Variants in F13A1 observed in about 807,000 individuals in gnomAD.
F13A1 encodes coagulation factor XIII A chain.
Under a neutral mutation model 80.1 loss-of-function variants are expected in F13A1, and 47 were observed. The ratio of observed to expected loss-of-function variants is 0.59; its 90% CI spans 0.46 to 0.75. The LOEUF (loss-of-function observed/expected upper bound fraction) is 0.75. F13A1 is among the 30% of genes least tolerant of loss of function. F13A1 has a pLI of 0.00. For synonymous variants in F13A1, 349 were observed against 344.9 expected (o/e 1.01, Z -0.13); for missense variants, 817 against 930.4 (o/e 0.88, Z 1.59).
intron 3 of F13A1, among the ~76,000 whole-genome samples, chr6:6,287,504 C>T (rs1422003794): frequency 1.3e-5 from 2 of 152,180 alleles, no homozygotes; most frequent in Non-Finnish European, 2.9e-5. Flanking sequence ...GGAGAAAGCA[C>T]AGGAGGCAGT....
chr6:6,303,984 A>G (rs1758473396), intron 3 of F13A1, among the ~76,000 whole-genome samples: 1 of 152,220 alleles, frequency 6.6e-6, no homozygotes, highest in South Asian at 2.1e-4. Context: ...TTCTACATAC[A>G]CAATCATAGT....
At chr6:6,164,111 A>T (rs1489689812) in intron 13 of F13A1, among the ~76,000 whole-genome samples, 3 of 152,166 alleles carry the variant, frequency 2.0e-5, no homozygotes, top group African/African-American at 7.2e-5. Context: ...GAACATGTTT[A>T]CAGGAAAAAA....
In F13A1 at chr6:6,300,850, G is replaced by T. The variant is rs1177904314; in HGVS notation, c.319+4501C>A. ...TTTTTTTAATTTATGTTACATTTTGGTTCACTTTTAATAGTAAATGATATC... is the reference window on the plus strand; with the variant it reads ...TTTTTTTAATTTATGTTACATTTTGTTTCACTTTTAATAGTAAATGATATC... On this transcript the variant is annotated intron_variant, in intron 3 of 14. Coordinates refer to ENST00000264870, the MANE Select transcript of F13A1 (RefSeq NM_000129.4). 3.3e-5 allele frequency among the ~76,000 whole-genome samples: 5 copies of T among 150,532 alleles called. No individual in the cohort carries two copies. The South Asian group carries it at 6.3e-4, about 19-fold the overall frequency.
At chr6:6,229,523 A>G (rs1757321283) in intron 6 of F13A1, among the ~76,000 whole-genome samples, 1 of 152,248 alleles carries the variant, frequency 6.6e-6, no homozygotes. Context: ...ATGGAAAACA[A>G]AGATGATACA....
intron 3 of F13A1, among the ~76,000 whole-genome samples, chr6:6,282,328 T>G (rs1044347494): frequency 6.6e-6 from 1 of 152,168 alleles, no homozygotes; most frequent in African/African-American, 2.4e-5. Context: ...TGAAACTAGT[T>G]GGAACAGTCC....
intron 4 of F13A1, among the ~76,000 whole-genome samples, chr6:6,258,740 G>A (rs1028688770): frequency 2.0e-5 from 3 of 152,146 alleles, no homozygotes; most frequent in African/African-American, 7.2e-5. Flanking sequence ...TTTTATTTAA[G>A]AGGAATATTG....
chr6:6,185,493 T>C (rs1394166741), intron 10 of F13A1, among the ~76,000 whole-genome samples: 1 of 151,512 alleles, frequency 6.6e-6, no homozygotes, highest in African/African-American at 2.4e-5. Flanking sequence ...GTTCTTGAGA[T>C]AGTTTACTGA....
intron 3 of F13A1, among the ~76,000 whole-genome samples, chr6:6,276,893 G>A (rs1757995875): frequency 6.6e-6 from 1 of 152,154 alleles, no homozygotes; most frequent in Admixed American, 6.5e-5. Flanking sequence ...CACACAGGTA[G>A]TGAATAAGGT....
At chr6:6,317,266 A>G (rs1205688099) in intron 2 of F13A1, among the ~76,000 whole-genome samples, 2 of 152,160 alleles carry the variant, frequency 1.3e-5, no homozygotes, top group African/African-American at 4.8e-5. Flanking sequence ...CTATTTCCTA[A>G]CATATAACAT....
intron 6 of F13A1, among the ~76,000 whole-genome samples, chr6:6,235,413 T>C (rs537226461): frequency 6.6e-6 from 1 of 151,998 alleles, no homozygotes; most frequent in Admixed American, 6.5e-5. Flanking sequence ...GTATCCAGAA[T>C]ATGTAAAGAA....
Position 6,266,645 on chromosome 6 carries a change from C to T in F13A1, c.484G>A (p.Val162Ile). ...KCIVGKFRMY[V>I]AVWTPYGVLR... ...ACGCCATAGGGAGTCCAGACAGCAACATACATGCGGAATTTCCCCACAATA... is the reference window on the plus strand; with the variant it reads ...ACGCCATAGGGAGTCCAGACAGCAATATACATGCGGAATTTCCCCACAATA... The change falls in exon 4 of 15, where the codon GTT becomes ATT. Residue 162 changes from valine to isoleucine, a missense_variant. By Grantham distance (29) the Val-to-Ile change is conservative. Transcript: ENST00000264870. 7 of 1,614,236 alleles carry T rather than the reference C, an allele frequency of 4.3e-6. No individual in the cohort carries two copies. The highest frequency in any genetic ancestry group is 5.9e-6 in the Non-Finnish European group (7 of 1,180,030).
At chr6:6,184,879 G>C (rs1761051033) in intron 10 of F13A1, among the ~76,000 whole-genome samples, 1 of 152,120 alleles carries the variant, frequency 6.6e-6, no homozygotes, top group Non-Finnish European at 1.5e-5. Flanking sequence ...TGTTGGGGTG[G>C]GATGTGGAGG....
At chr6:6,273,982 C>T (rs576831519) in intron 3 of F13A1, among the ~76,000 whole-genome samples, 26 of 152,310 alleles carry the variant, frequency 1.7e-4, no homozygotes, top group South Asian at 1.5e-3. Context: ...TATTCAAAAG[C>T]AAATCATCTC....
intron 8 of F13A1, among the ~76,000 whole-genome samples, chr6:6,220,863 C>T (rs1757183562): frequency 6.6e-6 from 1 of 152,162 alleles, no homozygotes; most frequent in Admixed American, 6.5e-5. Flanking sequence ...TTCATGGTAG[C>T]ACTTTGCTAC....
At chr6:6,145,823 T>C (rs1194739850) in intron 14 of F13A1, 51 bp from the exon 15 acceptor site, 4 of 1,613,136 alleles carry the variant, frequency 2.5e-6, no homozygotes, top group Non-Finnish European at 3.4e-6. Context: ...CTTTCCACTT[T>C]GATCAGGAAG....
chr6:6,309,127 T>C (rs988828793), intron 2 of F13A1, among the ~76,000 whole-genome samples: 3 of 152,162 alleles, frequency 2.0e-5, no homozygotes, highest in Admixed American at 6.6e-5. Flanking sequence ...ATATTCTCCC[T>C]AGCTTCTTGT....
chr6:6,192,898 T>C (rs1438102152), intron 10 of F13A1, among the ~76,000 whole-genome samples: 1 of 152,198 alleles, frequency 6.6e-6, no homozygotes, highest in African/African-American at 2.4e-5. Flanking sequence ...AAGAGAGTTA[T>C]CTTTGGCAAG....
chr6:6,220,404 C>T lies in F13A1; in HGVS notation c.1112+1629G>A, dbSNP rs145997651. 5.5e-4 allele frequency among the ~76,000 whole-genome samples: 84 copies of T among 152,190 alleles called. No homozygotes were observed. The East Asian group carries it at 0.013, about 24-fold the overall frequency. On this transcript the variant is annotated intron_variant, in intron 8 of 14. Transcript: ENST00000264870. ...GGTTACCAAGGGCAAGATCTACCTTCGCTATTTTGTATTAACTCTGTTTAG... is the reference window on the plus strand; with the variant it reads ...GGTTACCAAGGGCAAGATCTACCTTTGCTATTTTGTATTAACTCTGTTTAG...
chr6:6,263,432 G>GGATCTTTTGATCTCCTTGC (rs1757803561), intron 4 of F13A1, among the ~76,000 whole-genome samples: 1 of 152,020 alleles, frequency 6.6e-6, no homozygotes, highest in South Asian at 2.1e-4. Flanking sequence ...TCTGGCTCTG[G>GGATCTTTTGATCTCCTTGC]GCTCTTTTGA....
Sources: gnomAD v4.1 joint callset for allele counts (sites outside exome capture counted in the v4.1 genomes callset) on GRCh38, gnomAD v4.1.1 for gene constraint, MANE v1.5 for transcripts, NCBI Gene and HGNC (gene_info 2026-07-23, HGNC 2026-07-21) for gene names.